TERT: variants seen among roughly 807,000 people sequenced by gnomAD.
TERT encodes telomerase reverse transcriptase.
TERT carries 42 observed loss-of-function variants against 104.0 expected under a neutral mutation model. That is an observed-to-expected ratio of 0.40 (90% confidence interval 0.32 to 0.52). The LOEUF (loss-of-function observed/expected upper bound fraction) is 0.52, where lower values mean the gene tolerates loss of function less well. Ranked by LOEUF, TERT falls within the 20% of genes least tolerant of loss-of-function variation. The pLI is 0.43. For missense variants in TERT, 1,101 were observed against 1,610.3 expected (o/e 0.68, Z 5.41); for synonymous variants, 781 against 725.6 (o/e 1.08, Z -1.23).
In TERT at chr5:1,282,498, G is replaced by C; in HGVS notation, c.1700C>G (p.Thr567Arg). The part of the protein sequence containing the change: ...LRSFFYVTET[T>R]FQKNRLFFYR... ...GAAAAAGAGCCTGTTCTTTTGAAAC[G>C]TGGTCTCCGTGACATAAAAGAAAGA... is the stretch of plus-strand genomic sequence containing the variant. Residue 567 changes from threonine to arginine, a missense_variant, in exon 3 of 16, where the codon ACG (threonine) becomes AGG (arginine). Around this residue, in one of 5 missense-constraint regions of TERT, gnomAD observed 463 missense variants for 797.5 expected, o/e 0.58. Transcript: ENST00000310581. The C allele has an allele frequency of 1.2e-6, 2 of 1,614,138 alleles. No homozygotes were observed. Among genetic ancestry groups the C allele is most frequent in the South Asian group, 1.1e-5 (1 of 91,086 alleles).
intron 2 of TERT, among the ~76,000 whole-genome samples, chr5:1,284,168 A>G (rs1490961861): frequency 3.5e-4 from 22 of 62,800 alleles, no homozygotes; most frequent in South Asian, 1.8e-3. Flanking sequence ...TGCACCATCC[A>G]GACGCCGCAC....
At position 1,272,620 on chromosome 5, in the gene TERT, CACGACCGCCA is replaced by C. The variant is rs1561198074; in HGVS notation, c.2287-350_2287-341del. Among the ~76,000 whole-genome samples, 259 of 34,038 alleles carry C rather than the reference CACGACCGCCA, an allele frequency of 7.6e-3. 9 individuals carry two copies. Among genetic ancestry groups the C allele is most frequent in the Middle Eastern group, 0.019 (1 of 54 alleles). The allele number at this position is 34,038 out of a possible 152,430, so 22.3% of individuals were successfully genotyped here. A position where few individuals can be genotyped will look rare whatever the true frequency, so the allele number is the denominator to read the frequency against. The stretch of plus-strand genomic sequence containing the variant: ...CATCCACAGTCACCACATCAGACCC[CACGACCGCCA>C]TCCACAGTCACCACACATCAGACCC... On this transcript the variant is annotated intron_variant, in intron 6 of 15. Transcript: ENST00000310581.
chr5:1,287,165 A>G lies in TERT; in HGVS notation c.1574-4541T>C, dbSNP rs1349466132. 1.3e-5 allele frequency among the ~76,000 whole-genome samples: 2 copies of G among 152,150 alleles called. No homozygotes were observed. Among genetic ancestry groups the G allele is most frequent in the Non-Finnish European group, 2.9e-5 (2 of 68,028 alleles). ...CAGACTGGATTGGAAATTCACCTAC[A>G]TGCTGTTAACAGGACATACCCACAC... On this transcript the variant is annotated intron_variant, in intron 2 of 15. Coordinates refer to ENST00000310581, the MANE Select transcript of TERT (RefSeq NM_198253.3). The surrounding 1 kb of genome is among the most constrained non-coding windows in gnomAD (Gnocchi z 4.3).
chr5:1,290,388 C>T (rs1241191712), intron 2 of TERT, among the ~76,000 whole-genome samples: 8 of 56,546 alleles, frequency 1.4e-4, no homozygotes, highest in East Asian at 4.7e-4. Context: ...CCGGGGACGG[C>T]GCCTCACTCA....
chr5:1,289,858 C>A (rs543133912), intron 2 of TERT, among the ~76,000 whole-genome samples: 8 of 88,480 alleles, frequency 9.0e-5, no homozygotes, highest in East Asian at 3.8e-4. Flanking sequence ...ACTCACCCTG[C>A]AAGTGACAGG....
rs778896667 is a variant in TERT, at chr5:1,282,548, A to T, written c.1650T>A (p.Ser550Arg). The change falls in exon 3 of 16, where the codon AGT becomes AGA. Residue 550 changes from serine to arginine, a missense_variant. Around this residue, in one of 5 missense-constraint regions of TERT, gnomAD observed 504 missense variants for 544.6 expected, o/e 0.93. Transcript: ENST00000310581. ...ACCTGAGCAGCTCGACGACGTACAC[A>T]CTCATCAGCCAGTGCAGGAACTTGG... The part of the protein sequence containing the change: ...ILAKFLHWLM[S>R]VYVVELLRSF... The T allele has an allele frequency of 6.2e-7, 1 of 1,614,062 alleles. No individual in the cohort carries two copies. Among genetic ancestry groups the T allele is most frequent in the Non-Finnish European group, 8.5e-7 (1 of 1,180,018 alleles).
At chr5:1,284,868 GC>G in intron 2 of TERT, among the ~76,000 whole-genome samples, 1 of 134,028 alleles carries the variant, frequency 7.5e-6, no homozygotes, top group South Asian at 2.5e-4. Context: ...GCACGGTCTG[GC>G]ACCGTCTGGC....
intron 3 of TERT, 89 bp from the exon 4 acceptor site, chr5:1,280,427 A>G: frequency 3.5e-6 from 5 of 1,428,718 alleles, no homozygotes; most frequent in Non-Finnish European, 4.8e-6. Flanking sequence ...CCACCGACTC[A>G]GTGAGGGCTC....
At chr5:1,289,773 A>G (rs1166238803) in intron 2 of TERT, among the ~76,000 whole-genome samples, 35 of 77,260 alleles carry the variant, frequency 4.5e-4, no homozygotes, top group South Asian at 9.4e-4. Context: ...CATTCACCCT[A>G]CACGTGACAG....
chr5:1,282,351 T>A, intron 3 of TERT, 78 bp downstream of exon 3: 1 of 1,490,956 alleles, frequency 6.7e-7, no homozygotes, highest in Non-Finnish European at 9.3e-7. Context: ...CACAGGCAAG[T>A]GGAGACAGGC....
In TERT at chr5:1,286,266, G is replaced by T. The variant is rs1472929419; in HGVS notation, c.1574-3642C>A. ...CTAGATGCCATGGAGGCCAGCACAG[G>T]TAAAGCTGGGGTTTACCAGCAATAA... On this transcript the variant is annotated intron_variant, in intron 2 of 15. Transcript: ENST00000310581. This position sits in a 1 kb window ranked among gnomAD's most constrained non-coding sequence, Gnocchi z 5.3. Among the ~76,000 whole-genome samples, 1 of 152,148 alleles carries T rather than the reference G, an allele frequency of 6.6e-6. No homozygotes were observed. Among genetic ancestry groups the T allele is most frequent in the Non-Finnish European group, 1.5e-5 (1 of 68,032 alleles).
chr5:1,260,932 C>G (rs1406649628), intron 11 of TERT, among the ~76,000 whole-genome samples: 1 of 152,248 alleles, frequency 6.6e-6, no homozygotes, highest in African/African-American at 2.4e-5. Flanking sequence ...GGAGCCCTGG[C>G]TCCCGGGCGT....
rs189438056 is a variant in TERT, at chr5:1,268,157, G to A, written c.2582+363C>T. Among the ~76,000 whole-genome samples the A allele has an allele frequency of 3.3e-5, 5 of 152,318 alleles. No individual in the cohort carries two copies. The East Asian group carries it at 7.7e-4, about 24-fold the overall frequency. ...GTCGAGGGCCTGCTGGGAGATGTGG[G>A]GCCTCAGGCTGCACCAGCCCCATCT... is the stretch of plus-strand genomic sequence containing the variant. On this transcript the variant is annotated intron_variant, in intron 9 of 15. Coordinates refer to ENST00000310581, the MANE Select transcript of TERT (RefSeq NM_198253.3). This position sits in a 1 kb window ranked among gnomAD's most constrained non-coding sequence, Gnocchi z 5.5.
In TERT at chr5:1,253,460, C is replaced by T; in HGVS notation, c.*268G>A. On this transcript the variant is annotated 3_prime_UTR_variant, in exon 16 of 16. Coordinates refer to ENST00000310581, the MANE Select transcript of TERT (RefSeq NM_198253.3). ...GGGCTCCTGGTGAGGAAAAGCTGGCCCTGGGGTGGAGCCGAGCGCCAGCCT... is the reference window on the plus strand; with the variant it reads ...GGGCTCCTGGTGAGGAAAAGCTGGCTCTGGGGTGGAGCCGAGCGCCAGCCT... The T allele has an allele frequency of 1.7e-6, 1 of 572,558 alleles. No homozygotes were observed. Among genetic ancestry groups the T allele is most frequent in the Non-Finnish European group, 3.1e-6 (1 of 319,312 alleles). 35.5% of individuals were successfully genotyped at this position (572,558 alleles called of 1,614,324 possible). A position where few individuals can be genotyped will look rare whatever the true frequency, so the allele number is the denominator to read the frequency against.
chr5:1,269,827 A>G lies in TERT; in HGVS notation c.2469-1194T>C, dbSNP rs1341328735. On this transcript the variant is annotated intron_variant, in intron 8 of 15. Transcript: ENST00000310581. This position sits in a 1 kb window ranked among gnomAD's most constrained non-coding sequence, Gnocchi z 9.0. The stretch of plus-strand genomic sequence containing the variant: ...TAGTTTTTGGGGCAACAGGTTTTGA[A>G]GACGTTTTTATTCAGAGGCCAAACT... 6.6e-6 allele frequency among the ~76,000 whole-genome samples: 1 copy of G among 152,054 alleles called. No individual in the cohort carries two copies. The highest frequency in any genetic ancestry group is 1.5e-5 in the Non-Finnish European group (1 of 68,002).
chr5:1,291,204 C>G (rs1388347266), intron 2 of TERT, among the ~76,000 whole-genome samples: 2 of 41,000 alleles, frequency 4.9e-5, no homozygotes, highest in South Asian at 1.2e-3. Context: ...TCACCCTACA[C>G]GTGACAGGGA....
intron 2 of TERT, among the ~76,000 whole-genome samples, chr5:1,290,720 A>G (rs376754192): frequency 2.6e-3 from 100 of 38,556 alleles, no homozygotes; most frequent in African/African-American, 3.1e-3. Flanking sequence ...ACACCCGGGG[A>G]CCGCGCCTCA....
At chr5:1,277,359 C>T (rs981500985) in intron 6 of TERT, among the ~76,000 whole-genome samples, 3 of 152,362 alleles carry the variant, frequency 2.0e-5, no homozygotes, top group Admixed American at 6.5e-5. Flanking sequence ...CAGGCGCAGC[C>T]GTGCAGTCCG....
In TERT at chr5:1,286,325, G is replaced by A. The variant is rs1405310419; in HGVS notation, c.1574-3701C>T. 6.6e-6 allele frequency among the ~76,000 whole-genome samples: 1 copy of A among 152,230 alleles called. No individual in the cohort carries two copies. Among genetic ancestry groups the A allele is most frequent in the African/African-American group, 2.4e-5 (1 of 41,454 alleles). ...AAGAACCACGCAAAGGACAAGGAAG[G>A]GGACCCCAGACGGCGGGCCTGAGAC... On this transcript the variant is annotated intron_variant, in intron 2 of 15. Transcript: ENST00000310581. This position sits in a 1 kb window ranked among gnomAD's most constrained non-coding sequence, Gnocchi z 5.3.
Sources: allele counts gnomAD v4.1 joint callset (sites outside exome capture counted in the v4.1 genomes callset), GRCh38; gene constraint gnomAD v4.1.1; regional missense constraint gnomAD v4.1.1; non-coding constraint Gnocchi (gnomAD v3.1); transcripts MANE v1.5; gene names NCBI Gene and HGNC (gene_info 2026-07-23, HGNC 2026-07-21).